RANBP10: variants seen among roughly 807,000 people sequenced by gnomAD.
RANBP10 encodes the protein ran-binding protein 10.
Under a neutral mutation model 72.8 loss-of-function variants are expected in RANBP10, and 24 were observed. The observed-to-expected ratio is 0.33, with a 90% confidence interval of 0.24 to 0.46. The LOEUF is 0.46. Among genes scored for constraint, RANBP10 ranks in the 20% least tolerant of loss-of-function variants. RANBP10 has a pLI of 1.00. For synonymous variants in RANBP10, 310 were observed against 322.3 expected (o/e 0.96, Z 0.41); for missense variants, 679 against 817.5 (o/e 0.83, Z 2.07).
chr16:67,775,225 C>T (rs976454273), intron 2 of RANBP10, among the ~76,000 whole-genome samples: 4 of 152,048 alleles, frequency 2.6e-5, no homozygotes, highest in African/African-American at 7.2e-5. Flanking sequence ...GCAGGAGAAT[C>T]GCTTGAACCC....
At chr16:67,757,911 A>AG (rs2054319164) in intron 3 of RANBP10, among the ~76,000 whole-genome samples, 1 of 152,084 alleles carries the variant, frequency 6.6e-6, no homozygotes, top group African/African-American at 2.4e-5. Flanking sequence ...GCCATGGTAA[A>AG]GGGGGCAGGA....
chr16:67,776,803 A>G (rs1404777693), intron 2 of RANBP10, among the ~76,000 whole-genome samples: 1 of 152,034 alleles, frequency 6.6e-6, no homozygotes, highest in Non-Finnish European at 1.5e-5. Flanking sequence ...AAGAAAAAAA[A>G]AAAGAACTAA....
chr16:67,733,773 C>T (rs1486581871), intron 6 of RANBP10, among the ~76,000 whole-genome samples: 1 of 152,132 alleles, frequency 6.6e-6, no homozygotes. Context: ...AGGAGTCCAA[C>T]CTGGGCAACA....
chr16:67,752,194 T>C (rs2054210097), intron 3 of RANBP10, among the ~76,000 whole-genome samples: 1 of 152,214 alleles, frequency 6.6e-6, no homozygotes, highest in African/African-American at 2.4e-5. Context: ...CTATGTCACC[T>C]TTCATGGTAA....
chr16:67,746,073 G>A (rs549367260), intron 3 of RANBP10, among the ~76,000 whole-genome samples: 83 of 148,472 alleles, frequency 5.6e-4, no homozygotes, highest in African/African-American at 2.0e-3. Flanking sequence ...GGAGAATCAC[G>A]TGAACCCAGG....
chr16:67,771,198 T>C (rs962937985), intron 3 of RANBP10, among the ~76,000 whole-genome samples: 4 of 150,982 alleles, frequency 2.6e-5, no homozygotes, highest in African/African-American at 9.8e-5. Flanking sequence ...GAGGCTGCAG[T>C]AAACTGTGAC....
At chr16:67,783,402 C>T (rs2054849572) in intron 2 of RANBP10, among the ~76,000 whole-genome samples, 1 of 152,140 alleles carries the variant, frequency 6.6e-6, no homozygotes, top group African/African-American at 2.4e-5. Flanking sequence ...GAACCCTGCA[C>T]AGAGAACCCC....
At position 67,729,477 on chromosome 16, in the gene RANBP10, G is replaced by A. The variant is rs2143001176; in HGVS notation, c.1155C>T (p.Asp385=). 1.2e-6 allele frequency: 2 copies of A among 1,611,850 alleles called. No homozygotes were observed. Among genetic ancestry groups the A allele is most frequent in the African/African-American group, 2.7e-5 (2 of 74,962 alleles). The part of the protein sequence containing the change: ...SSSHMHNTGA[D]SPSCSNGVAS... ...CGACGCCATTGCTACAGCTGGGACT[G>A]TCTGCTCCTAGAAGCCAGGGTGACA... Residue 385 remains aspartate, a synonymous_variant, in exon 10 of 14, where the codon GAC becomes GAT. Transcript: ENST00000317506. This position sits in a 1 kb window ranked among gnomAD's most constrained non-coding sequence, Gnocchi z 7.1.
intron 6 of RANBP10, among the ~76,000 whole-genome samples, chr16:67,733,167 C>A (rs955535532): frequency 6.6e-6 from 1 of 151,754 alleles, no homozygotes; most frequent in African/African-American, 2.4e-5. Flanking sequence ...AAGTTTGAGA[C>A]CAACCTGGGC....
At chr16:67,758,461 C>T (rs772496611) in intron 3 of RANBP10, among the ~76,000 whole-genome samples, 1 of 152,186 alleles carries the variant, frequency 6.6e-6, no homozygotes, top group Non-Finnish European at 1.5e-5. Flanking sequence ...CTGCGTACAT[C>T]GTTGGGTCCT....
chr16:67,806,267 T>C, intron 1 of RANBP10, 35 bp downstream of exon 1: 2 of 1,569,854 alleles, frequency 1.3e-6, no homozygotes, highest in Non-Finnish European at 1.7e-6. Flanking sequence ...ACGGACGCTC[T>C]AGCCTTAATT....
chr16:67,735,788 AAGAT>A (rs2053833866), intron 5 of RANBP10: 1 of 151,842 alleles, frequency 6.6e-6, no homozygotes, highest in African/African-American at 2.4e-5. Context: ...AACAAACCAA[AAGAT>A]AGATACATGG....
In RANBP10 at chr16:67,734,998, A is replaced by G; in HGVS notation, c.636T>C (p.Ile212=). 2 of 1,613,634 alleles carry G rather than the reference A, an allele frequency of 1.2e-6. No individual in the cohort carries two copies. Among genetic ancestry groups the G allele is most frequent in the Non-Finnish European group, 1.7e-6 (2 of 1,179,738 alleles). ...PTVGLQTPGE[I]VDANFGQQPF... ...GCTGCTGCCCAAAGTTGGCGTCCAC[A>G]ATCTCCCCAGGTGTCTGCAGGCCTA... Residue 212 remains isoleucine (I), a synonymous_variant, in exon 6 of 14, where the codon ATT becomes ATC. Transcript: ENST00000317506.
intron 3 of RANBP10, among the ~76,000 whole-genome samples, chr16:67,762,842 T>C (rs1325825047): frequency 2.6e-5 from 4 of 152,188 alleles, no homozygotes; most frequent in Non-Finnish European, 5.9e-5. Flanking sequence ...GGTGCTGTGC[T>C]CACTATGGGG....
chr16:67,777,307 C>T (rs555469715), intron 2 of RANBP10, among the ~76,000 whole-genome samples: 8 of 152,074 alleles, frequency 5.3e-5, no homozygotes, highest in East Asian at 1.9e-4. Flanking sequence ...GAGGCTGAGG[C>T]GGGCAGATCA....
Position 67,727,745 on chromosome 16 carries a change from C to A in RANBP10, c.1620+6G>T. On this transcript the variant is annotated splice_donor_region_variant and intron_variant, in intron 12 of 13. Coordinates refer to ENST00000317506, the MANE Select transcript of RANBP10 (RefSeq NM_020850.3). ...TGCTCTGCATGAGGCCCGGCTCATC[C>A]TGTACCTGCAGCATCTCTGTGTGGG... 6.2e-7 allele frequency: 1 copy of A among 1,614,168 alleles called. No individual in the cohort carries two copies. The highest frequency in any genetic ancestry group is 8.5e-7 in the Non-Finnish European group (1 of 1,180,034).
chr16:67,804,872 C>G (rs2055315435), intron 2 of RANBP10, among the ~76,000 whole-genome samples: 1 of 152,102 alleles, frequency 6.6e-6, no homozygotes, highest in Non-Finnish European at 1.5e-5. Context: ...GTTGATCCAA[C>G]TAGTAGTGTT....
chr16:67,788,581 C>T (rs867999013), intron 2 of RANBP10, among the ~76,000 whole-genome samples: 9 of 149,872 alleles, frequency 6.0e-5, no homozygotes, highest in African/African-American at 1.5e-4. Context: ...TTAGTAAAGA[C>T]GGTGTTTCAA....
intron 2 of RANBP10, among the ~76,000 whole-genome samples, chr16:67,797,025 C>T (rs2055145986): frequency 6.6e-6 from 1 of 152,188 alleles, no homozygotes; most frequent in African/African-American, 2.4e-5. Context: ...CACTCTGGAG[C>T]CCTTTATTCC....
Sources: gnomAD v4.1 joint callset for allele counts (sites outside exome capture counted in the v4.1 genomes callset) on GRCh38, gnomAD v4.1.1 for gene constraint, Gnocchi (gnomAD v3.1) non-coding constraint, MANE v1.5 for transcripts, NCBI Gene and HGNC (gene_info 2026-07-23, HGNC 2026-07-21) for gene names.